Variants in USP34 observed in about 807,000 individuals in gnomAD.
USP34 encodes the protein ubiquitin carboxyl-terminal hydrolase 34.
In USP34, 70 loss-of-function variants were observed where a neutral mutation model predicts 460.3. The ratio of observed to expected loss-of-function variants is 0.15; its 90% CI spans 0.13 to 0.19. The LOEUF is 0.19. Ranked by LOEUF, USP34 falls within the 10% of genes least tolerant of loss-of-function variation. USP34 has a pLI of 1.00. For missense variants in USP34, 3,985 were observed against 4,236.2 expected (o/e 0.94, Z 1.65); for synonymous variants, 1,647 against 1,405.3 (o/e 1.17, Z -3.85).
chr2:61,289,035 C>T (rs1163828960), intron 33 of USP34, among the ~76,000 whole-genome samples, 158 bp from the exon 34 acceptor site: 2 of 151,892 alleles, frequency 1.3e-5, no homozygotes, highest in African/African-American at 4.8e-5. Flanking sequence ...TGGTCAGTAC[C>T]AATTCAATCT....
At chr2:61,369,642 CAAAAAAAAAAAAA>C (rs57947331) in intron 10 of USP34, among the ~76,000 whole-genome samples, 2 of 43,428 alleles carry the variant, frequency 4.6e-5, no homozygotes, top group African/African-American at 9.7e-5. Flanking sequence ...GATTCCGTCT[CAAAAAAAAAAAAA>C]AAAAAAAAAA....
intron 27 of USP34, among the ~76,000 whole-genome samples, chr2:61,306,685 A>G (rs1403994118): frequency 2.6e-5 from 4 of 152,232 alleles, no homozygotes; most frequent in Non-Finnish European, 4.4e-5. Flanking sequence ...AAAAGAAGAC[A>G]TTTATGCAGC....
chr2:61,451,443 G>C (rs1361484528), intron 1 of USP34, among the ~76,000 whole-genome samples: 1 of 151,904 alleles, frequency 6.6e-6, no homozygotes, highest in Non-Finnish European at 1.5e-5. Context: ...CCAGCACTTC[G>C]GGAGGCCAAG....
At chr2:61,216,524 C>T (rs537267940) in intron 67 of USP34, among the ~76,000 whole-genome samples, 4 of 151,984 alleles carry the variant, frequency 2.6e-5, no homozygotes, top group South Asian at 2.1e-4. Flanking sequence ...GGTGTGAACC[C>T]GGGAGGCAGA....
At chr2:61,197,275 C>G (rs540251532) in intron 75 of USP34, among the ~76,000 whole-genome samples, 1 of 151,898 alleles carries the variant, frequency 6.6e-6, no homozygotes, top group East Asian at 1.9e-4. Flanking sequence ...TGTCTCAAAA[C>G]AACAACAATT....
intron 22 of USP34, among the ~76,000 whole-genome samples, chr2:61,318,868 T>C (rs1690829377): frequency 6.6e-6 from 1 of 152,216 alleles, no homozygotes; most frequent in African/African-American, 2.4e-5. Context: ...ACAATATTAC[T>C]GATTATTTCA....
At chr2:61,235,942 A>C (rs1368268363) in intron 56 of USP34, 32 bp from the exon 57 acceptor site, 1 of 1,600,956 alleles carries the variant, frequency 6.2e-7, no homozygotes, top group Non-Finnish European at 8.5e-7. Context: ...AAGCATATGA[A>C]CTTCTGAGCC....
intron 10 of USP34, among the ~76,000 whole-genome samples, chr2:61,363,503 T>A (rs996491718): frequency 6.6e-6 from 1 of 152,234 alleles, no homozygotes; most frequent in African/African-American, 2.4e-5. Flanking sequence ...GTATAGCATG[T>A]TACTGTACTG....
At chr2:61,409,303 T>C (rs955565084) in intron 2 of USP34, among the ~76,000 whole-genome samples, 2 of 152,148 alleles carry the variant, frequency 1.3e-5, no homozygotes, top group African/African-American at 2.4e-5. Flanking sequence ...TCCCAGCACT[T>C]TGGGAGGCTG....
At chr2:61,415,623 T>C (rs1408864378) in intron 2 of USP34, among the ~76,000 whole-genome samples, 1 of 152,070 alleles carries the variant, frequency 6.6e-6, no homozygotes, top group Non-Finnish European at 1.5e-5. Context: ...AAAACCAACA[T>C]CTCAAAAAGC....
intron 2 of USP34, among the ~76,000 whole-genome samples, chr2:61,412,822 G>A (rs760003017): frequency 6.7e-6 from 1 of 148,480 alleles, no homozygotes; most frequent in Non-Finnish European, 1.5e-5. Flanking sequence ...CCAGGAAGTC[G>A]AGGCCGCAGT....
At chr2:61,387,763 G>A (rs1336189253) in intron 5 of USP34, among the ~76,000 whole-genome samples, 1 of 139,764 alleles carries the variant, frequency 7.2e-6, no homozygotes, top group Admixed American at 7.2e-5. Flanking sequence ...ATACACACAT[G>A]TAAAATATAT....
intron 61 of USP34, 59 bp downstream of exon 61, chr2:61,228,586 G>T: frequency 1.3e-6 from 2 of 1,505,514 alleles, no homozygotes; most frequent in Non-Finnish European, 1.8e-6. Flanking sequence ...GACTTCGCAC[G>T]ATGCAAACTA....
intron 44 of USP34, among the ~76,000 whole-genome samples, chr2:61,259,453 T>G (rs1436537051): frequency 6.6e-6 from 1 of 151,732 alleles, no homozygotes; most frequent in Non-Finnish European, 1.5e-5. Context: ...AGTAGTGAGA[T>G]CTCAGCTTGC....
chr2:61,236,421 A>G (rs771581726), intron 53 of USP34, 32 bp from the exon 54 acceptor site: 2 of 1,495,296 alleles, frequency 1.3e-6, no homozygotes, highest in East Asian at 2.3e-5. Context: ...TTAGTGATAA[A>G]GCAGTTTACT....
At chr2:61,344,119 T>C (rs1477623575) in intron 15 of USP34, 90 bp from the exon 16 acceptor site, 2 of 1,246,586 alleles carry the variant, frequency 1.6e-6, no homozygotes, top group African/African-American at 1.5e-5. Flanking sequence ...AACTTACAAA[T>C]ACACTTAGAA....
At chr2:61,303,796 C>T (rs549310607) in intron 27 of USP34, among the ~76,000 whole-genome samples, 1 of 151,950 alleles carries the variant, frequency 6.6e-6, no homozygotes, top group South Asian at 2.1e-4. Context: ...TGGGGTTTCA[C>T]CATGTTAGCC....
chr2:61,458,324 G>A (rs1221051578), intron 1 of USP34, among the ~76,000 whole-genome samples: 3 of 152,102 alleles, frequency 2.0e-5, no homozygotes, highest in Non-Finnish European at 4.4e-5. Flanking sequence ...ACTTTGGGAG[G>A]CAGAGGCAGG....
intron 5 of USP34, among the ~76,000 whole-genome samples, chr2:61,391,216 C>T (rs552686646): frequency 1.1e-4 from 17 of 152,210 alleles, no homozygotes; most frequent in Admixed American, 3.9e-4. Flanking sequence ...GAGGCCAAGG[C>T]GGGCGGATCA....
Sources: gnomAD v4.1 joint callset for allele counts (sites outside exome capture counted in the v4.1 genomes callset) on GRCh38, gnomAD v4.1.1 for gene constraint, MANE v1.5 for transcripts, NCBI Gene and HGNC (gene_info 2026-07-23, HGNC 2026-07-21) for gene names.